Variants in TTPAL observed in about 807,000 individuals in gnomAD.
TTPAL encodes the protein alpha tocopherol transfer protein like, also known as alpha-tocopherol transfer protein-like.
TTPAL carries 21 observed loss-of-function variants against 28.7 expected under a neutral mutation model. That is an observed-to-expected ratio of 0.73 (90% CI 0.52 to 1.06). The LOEUF (loss-of-function observed/expected upper bound fraction) is 1.06. TTPAL is among the 50% of genes least tolerant of loss of function. The pLI, the probability that TTPAL is intolerant of heterozygous loss-of-function variation, is 0.00. For synonymous variants in TTPAL, 169 were observed against 171.9 expected (o/e 0.98, Z 0.13); for missense variants, 345 against 425.5 (o/e 0.81, Z 1.67).
At chr20:44,484,618 C>T (rs1600791110) in intron 3 of TTPAL, 88 bp downstream of exon 3, 2 of 958,806 alleles carry the variant, frequency 2.1e-6, no homozygotes, top group Admixed American at 2.3e-5. Context: ...ACATGATACA[C>T]AAACTGCACA....
chr20:44,488,034 G>A (rs1405427250), intron 4 of TTPAL, among the ~76,000 whole-genome samples: 1 of 152,204 alleles, frequency 6.6e-6, no homozygotes, highest in Non-Finnish European at 1.5e-5. Context: ...CTCCGAAAGT[G>A]CTGGGATTAC....
rs371416186 is a variant in TTPAL at position 44,476,644 on chromosome 20, C to T, written c.-16+653C>T. ...TTTGTCCTCCTTTGTAAAATGGCAA[C>T]AGTAATAGCGCTCTCACCAAATAAC... is the stretch of plus-strand genomic sequence containing the variant. On this transcript the variant is annotated intron_variant, in intron 1 of 4. Coordinates refer to ENST00000262605, the MANE Select transcript of TTPAL (RefSeq NM_001039199.3). Among the ~76,000 whole-genome samples the T allele has an allele frequency of 7.2e-5, 11 of 152,324 alleles. 1 individual carries two copies. Among genetic ancestry groups the T allele is most frequent in the East Asian group, 1.9e-4 (1 of 5,180 alleles).
At position 44,486,576 on chromosome 20, in the gene TTPAL, C is replaced by G; in HGVS notation, c.640-20C>G. 16 of 1,459,104 alleles carry G rather than the reference C, an allele frequency of 1.1e-5. No homozygotes were observed. The highest frequency in any genetic ancestry group is 1.5e-5 in the Non-Finnish European group (16 of 1,047,802). 90.4% of individuals were successfully genotyped at this position (1,459,104 alleles called of 1,614,324 possible). On this transcript the variant is annotated intron_variant, in intron 3 of 4. Coordinates refer to ENST00000262605, the MANE Select transcript of TTPAL (RefSeq NM_001039199.3). ...AAAGATTCTCCAGATGTTCTAAACC[C>G]CTTTGCCTTTCCCACACAGGATGGT...
intron 2 of TTPAL, among the ~76,000 whole-genome samples, chr20:44,482,210 A>G (rs947798913): frequency 6.6e-6 from 1 of 152,202 alleles, no homozygotes; most frequent in African/African-American, 2.4e-5. Context: ...AACGTTAGAC[A>G]GCAAGCTGGC....
intron 4 of TTPAL, among the ~76,000 whole-genome samples, chr20:44,487,957 T>C (rs575320671): frequency 6.6e-6 from 1 of 152,142 alleles, no homozygotes; most frequent in Non-Finnish European, 1.5e-5. Flanking sequence ...TTAGTAGAGA[T>C]AGGCTTTTAC....
In TTPAL at chr20:44,491,650, T is replaced by C; in HGVS notation, c.*2109T>C. On this transcript the variant is annotated 3_prime_UTR_variant, in exon 5 of 5. Transcript: ENST00000262605. ...CTGAGCTGGAAGTGCCAAAAAGCAC[T>C]CCTGGCTGCTTCTGGTTCCATCTGA... The C allele has an allele frequency of 6.6e-6, 1 of 152,156 alleles. No individual in the cohort carries two copies. Among genetic ancestry groups the C allele is most frequent in the Non-Finnish European group, 1.5e-5 (1 of 68,004 alleles). The allele number at this position is 152,156 out of a possible 1,614,324, so 9.4% of individuals were successfully genotyped here.
At position 44,493,069 on chromosome 20, in the gene TTPAL, A is replaced by C. The variant is rs1175504651; in HGVS notation, c.*3528A>C. The stretch of plus-strand genomic sequence containing the variant: ...CGGCTGAGGTGGGTGTATCACCTGA[A>C]GTCCGGAGTTTGAGACCAGCCTGGC... On this transcript the variant is annotated 3_prime_UTR_variant, in exon 5 of 5. Transcript: ENST00000262605. The C allele has an allele frequency of 6.6e-6, 1 of 152,238 alleles. No homozygotes were observed. Among genetic ancestry groups the C allele is most frequent in the Non-Finnish European group, 1.5e-5 (1 of 68,044 alleles). 9.4% of individuals were successfully genotyped at this position (152,238 alleles called of 1,614,324 possible).
Position 44,490,917 on chromosome 20 carries a change from A to T in TTPAL, c.*1376A>T, listed in dbSNP as rs1361784150. Reference sequence around the variant, plus strand: ...ATGGTGAAACCCCATCTCTACTAAAAATACAAAAATTAGCTGGGCGTGGTG... The same window carrying T: ...ATGGTGAAACCCCATCTCTACTAAATATACAAAAATTAGCTGGGCGTGGTG... On this transcript the variant is annotated 3_prime_UTR_variant, in exon 5 of 5. Coordinates refer to ENST00000262605, the MANE Select transcript of TTPAL (RefSeq NM_001039199.3). 6.6e-6 allele frequency: 1 copy of T among 151,320 alleles called. No homozygotes were observed. The highest frequency in any genetic ancestry group is 1.5e-5 in the Non-Finnish European group (1 of 67,852). 9.4% of individuals were successfully genotyped at this position (151,320 alleles called of 1,614,324 possible).
intron 4 of TTPAL, among the ~76,000 whole-genome samples, chr20:44,486,964 A>C (rs1179617776): frequency 5.9e-5 from 9 of 152,174 alleles, no homozygotes; most frequent in Admixed American, 6.5e-5. Context: ...AGCAAGACTC[A>C]TCTCTAAAAA....
Position 44,480,106 on chromosome 20 carries a change from C to G in TTPAL, c.107C>G (p.Thr36Arg). 6.2e-7 allele frequency: 1 copy of G among 1,614,202 alleles called. No individual in the cohort carries two copies. The change falls in exon 2 of 5, where the codon ACA (threonine) becomes AGA (arginine). Residue 36 changes from threonine to arginine, a missense_variant. Coordinates refer to ENST00000262605, the MANE Select transcript of TTPAL (RefSeq NM_001039199.3). This position sits in a 1 kb window ranked among gnomAD's most constrained non-coding sequence, Gnocchi z 4.1. ...PEPPGYVCSL[T>R]EDLVTKAREE... ...CCTCCGGGCTATGTGTGCTCACTGA[C>G]AGAAGACCTGGTCACCAAAGCCCGG...
In TTPAL at chr20:44,489,277, G is replaced by A. The variant is rs2064180945; in HGVS notation, c.765G>A (p.Gly255=). ...TTCCCTTTTAGTTCTTCCTCCATGG[G>A]TCTGACTTGAACTCTCTCCACACAA... is the stretch of plus-strand genomic sequence containing the variant. ...EKIANRFFLH[G]SDLNSLHTNL... is the part of the protein sequence containing the mutation. The change falls in exon 5 of 5, where the codon GGG becomes GGA. Residue 255 remains glycine, a synonymous_variant. Coordinates refer to ENST00000262605, the MANE Select transcript of TTPAL (RefSeq NM_001039199.3). The A allele has an allele frequency of 1.2e-6, 2 of 1,613,642 alleles. No individual in the cohort carries two copies.
rs1427380770 is a variant in TTPAL at position 44,489,480 on chromosome 20, C to A, written c.968C>A (p.Ser323Ter). 6.2e-7 allele frequency: 1 copy of A among 1,614,114 alleles called. No homozygotes were observed. The highest frequency in any genetic ancestry group is 8.5e-7 in the Non-Finnish European group (1 of 1,180,058). The change falls in exon 5 of 5, where the codon TCA (serine) becomes TAA (stop). Residue 323 changes from serine to a stop codon, truncating the protein, a stop_gained. Transcript: ENST00000262605. LOFTEE classifies it high-confidence loss of function. ...GQTLLPEGLT[S>*]DAQCDDSLRA... The stretch of plus-strand genomic sequence containing the variant: ...ACGCTGCTGCCCGAGGGCCTGACCT[C>A]AGATGCACAGTGTGACGACTCCTTG...
At chr20:44,484,649 A>T in intron 3 of TTPAL, 119 bp downstream of exon 3, 1 of 703,948 alleles carries the variant, frequency 1.4e-6, no homozygotes, top group Admixed American at 2.6e-5. Flanking sequence ...GCAATCTGAA[A>T]AACACAAAAG....
chr20:44,479,406 T>C (rs957420064), intron 1 of TTPAL, among the ~76,000 whole-genome samples: 2 of 80,104 alleles, frequency 2.5e-5, no homozygotes, highest in Non-Finnish European at 4.6e-5. Flanking sequence ...GTTGTTTTTT[T>C]TTTTTTTTTT....
intron 3 of TTPAL, among the ~76,000 whole-genome samples, chr20:44,485,503 T>C (rs1461251664): frequency 6.6e-6 from 1 of 152,190 alleles, no homozygotes; most frequent in Non-Finnish European, 1.5e-5. Flanking sequence ...CGTGGGGTGT[T>C]TTCCCTTGTA....
chr20:44,479,698 A>T (rs2064083405), intron 1 of TTPAL, among the ~76,000 whole-genome samples: 1 of 152,134 alleles, frequency 6.6e-6, no homozygotes, highest in Non-Finnish European at 1.5e-5. Flanking sequence ...TTATTTAATG[A>T]TGAATAAGGT....
intron 1 of TTPAL, among the ~76,000 whole-genome samples, chr20:44,479,304 T>C (rs1361678254): frequency 6.6e-6 from 1 of 152,064 alleles, no homozygotes; most frequent in African/African-American, 2.4e-5. Context: ...TCTGAAGATA[T>C]TGACAAATGC....
chr20:44,484,817 A>C (rs1445709273), intron 3 of TTPAL, among the ~76,000 whole-genome samples: 1 of 152,218 alleles, frequency 6.6e-6, no homozygotes, highest in Admixed American at 6.5e-5. Context: ...AAGAATTCTC[A>C]TAACAAACAA....
chr20:44,483,152 C>A (rs2064121876), intron 2 of TTPAL, among the ~76,000 whole-genome samples: 3 of 152,242 alleles, frequency 2.0e-5, no homozygotes, highest in East Asian at 3.9e-4. Context: ...GCCACCACAT[C>A]TGGCCAAAAC....
Sources: gnomAD v4.1 joint callset for allele counts (sites outside exome capture counted in the v4.1 genomes callset) on GRCh38, gnomAD v4.1.1 for gene constraint, Gnocchi (gnomAD v3.1) non-coding constraint, MANE v1.5 for transcripts, NCBI Gene and HGNC (gene_info 2026-07-23, HGNC 2026-07-21) for gene names.